Variants in ZNF585B observed in about 807,000 individuals in gnomAD.
ZNF585B encodes the protein zinc finger protein 41-like protein.
A neutral mutation model predicts 14.0 loss-of-function variants in ZNF585B; 7 were observed. That is an observed-to-expected ratio of 0.50 (90% CI 0.28 to 0.94). The LOEUF is 0.94. Ranked by LOEUF, ZNF585B falls within the 40% of genes least tolerant of loss-of-function variation. The pLI, the probability that ZNF585B is intolerant of heterozygous loss-of-function variation, is 0.09. For synonymous variants in ZNF585B, 290 were observed against 317.3 expected, an observed-to-expected ratio of 0.91 and a Z score of 0.91; for missense variants, 750 against 924.4, an observed-to-expected ratio of 0.81 and a Z score of 2.45.
chr19:37,204,864 A>G (rs2145445786), intron 2 of ZNF585B, among the ~76,000 whole-genome samples: 1 of 151,838 alleles, frequency 6.6e-6, no homozygotes, highest in Non-Finnish European at 1.5e-5. Flanking sequence ...CTCCTGCCTC[A>G]GCCTCCTGAG....
At chr19:37,208,692 A>G (rs1214242143) in intron 1 of ZNF585B, among the ~76,000 whole-genome samples, 1 of 152,072 alleles carries the variant, frequency 6.6e-6, no homozygotes, top group Non-Finnish European at 1.5e-5. Context: ...TAAAAGAAAA[A>G]CGCGTCAGAA....
In ZNF585B at chr19:37,184,392, G is replaced by GA. The variant is rs770161445; in HGVS notation, c.*834dup. The GA allele has an allele frequency of 1.8e-5, 1 of 56,800 alleles. No individual in the cohort carries two copies. The highest frequency in any genetic ancestry group is 3.5e-5 in the Non-Finnish European group (1 of 28,946). 3.5% of individuals were successfully genotyped at this position (56,800 alleles called of 1,614,324 possible). On this transcript the variant is annotated 3_prime_UTR_variant, in exon 5 of 5. Coordinates refer to ENST00000532828, the MANE Select transcript of ZNF585B (RefSeq NM_152279.4). ...AGAAAGAAAGAAAGAAAGAAAGAAA[G>GA]AAAGAAAGAAAGAAAGAAAGAAAGA...
Position 37,186,812 on chromosome 19 carries a change from T to C in ZNF585B, c.725A>G (p.His242Arg). The C allele has an allele frequency of 1.5e-5, 25 of 1,614,158 alleles. No individual in the cohort carries two copies. Among genetic ancestry groups the C allele is most frequent in the Non-Finnish European group, 2.0e-5 (24 of 1,180,002 alleles). ...CGCTTTGCCACAGTCAGTGCATTCA[T>C]GGTGTCTCTCTCCAGTATGAATTTT... ...HEKIHTGERH[H>R]ECTDCGKAFT... is the part of the protein sequence containing the mutation. The change falls in exon 5 of 5, where the codon CAT becomes CGT. Residue 242 changes from histidine to arginine, a missense_variant. Physicochemically the swap from His to Arg is conservative, Grantham distance 29. Transcript: ENST00000532828.
Position 37,185,866 on chromosome 19 carries a change from T to G in ZNF585B, c.1671A>C (p.Lys557Asn), listed in dbSNP as rs756837911. The G allele has an allele frequency of 2.5e-6, 4 of 1,613,468 alleles. No individual in the cohort carries two copies. The African/African-American group carries it at 5.3e-5, about 22-fold the overall frequency. The change falls in exon 5 of 5, where the codon AAA becomes AAC. Residue 557 changes from lysine to asparagine, a missense_variant. Physicochemically the swap from Lys to Asn is moderately conservative, Grantham distance 94. Around this residue, in one of 2 missense-constraint regions of ZNF585B, gnomAD observed 233 missense variants for 354.1 expected, o/e 0.66. Coordinates refer to ENST00000532828, the MANE Select transcript of ZNF585B (RefSeq NM_152279.4). The part of the protein sequence containing the change: ...ERQYECHECG[K>N]AFNQKSILIV... ...TGAGTATTGATTTCTGGTTGAAGGCTTTCCCACATTCGTGGCATTCATACT... is the reference window on the plus strand; with the variant it reads ...TGAGTATTGATTTCTGGTTGAAGGCGTTCCCACATTCGTGGCATTCATACT...
In ZNF585B at chr19:37,183,829, CAT is replaced by C. The variant is rs1371829912; in HGVS notation, c.*1396_*1397del. On this transcript the variant is annotated 3_prime_UTR_variant, in exon 5 of 5. Coordinates refer to ENST00000532828, the MANE Select transcript of ZNF585B (RefSeq NM_152279.4). Reference sequence around the variant, plus strand: ...ATTTCATATGATTTATGATTTATCTCATATCTCATATAATGTAAGATAATGAT... The same window carrying C: ...ATTTCATATGATTTATGATTTATCTCATCTCATATAATGTAAGATAATGAT... 1 of 151,708 alleles carries C rather than the reference CAT, an allele frequency of 6.6e-6. No individual in the cohort carries two copies. The highest frequency in any genetic ancestry group is 1.9e-4 in the East Asian group (1 of 5,172). 9.4% of individuals were successfully genotyped at this position (151,708 alleles called of 1,614,324 possible).
At position 37,207,098 on chromosome 19, in the gene ZNF585B, C is replaced by G. The variant is rs1972594926; in HGVS notation, c.14G>C (p.Trp5Ser). ...GGCTGAGGATTTCTGGGGTGAGGTC[C>G]AACTAGCTGGCATGGCCACACTGGA... MPAS[W>S]TSPQKSSALA... The change falls in exon 2 of 5, where the codon TGG becomes TCG. Residue 5 changes from tryptophan (W) to serine (S), a missense_variant. By Grantham distance (177) the Trp-to-Ser change is radical. Transcript: ENST00000532828. The G allele has an allele frequency of 6.2e-7, 1 of 1,614,138 alleles. No homozygotes were observed. Among genetic ancestry groups the G allele is most frequent in the Admixed American group, 1.7e-5 (1 of 60,018 alleles).
chr19:37,202,910 T>C (rs1389145303), intron 2 of ZNF585B, among the ~76,000 whole-genome samples: 1 of 152,228 alleles, frequency 6.6e-6, no homozygotes, highest in Non-Finnish European at 1.5e-5. Context: ...CCCAAAGTGC[T>C]GGGATTACAG....
intron 2 of ZNF585B, among the ~76,000 whole-genome samples, chr19:37,194,514 G>C (rs1005880122): frequency 1.3e-5 from 2 of 152,156 alleles, no homozygotes; most frequent in Admixed American, 6.5e-5. Flanking sequence ...TTGGGAGGCT[G>C]AGGGAGGAGA....
In ZNF585B at chr19:37,182,181, C is replaced by T. The variant is rs1972273923; in HGVS notation, c.*3046G>A. 6.6e-6 allele frequency: 1 copy of T among 152,094 alleles called. No homozygotes were observed. The highest frequency in any genetic ancestry group is 1.5e-5 in the Non-Finnish European group (1 of 68,014). The allele number at this position is 152,094 out of a possible 1,614,324, so 9.4% of individuals were successfully genotyped here. A position where few individuals can be genotyped will look rare whatever the true frequency, so the allele number is the denominator to read the frequency against. ...CTAGTCTTTTATATAAATGGGCATA[C>T]ATATACATATATATGTCAGCACTAA... On this transcript the variant is annotated 3_prime_UTR_variant, in exon 5 of 5. Transcript: ENST00000532828.
intron 2 of ZNF585B, among the ~76,000 whole-genome samples, chr19:37,206,211 G>A (rs1480952219): frequency 1.3e-5 from 2 of 152,034 alleles, no homozygotes; most frequent in African/African-American, 4.8e-5. Context: ...CAGCACTTTG[G>A]GAGGCTGAGG....
chr19:37,188,623 T>G (rs1972366194), intron 4 of ZNF585B, among the ~76,000 whole-genome samples: 1 of 152,062 alleles, frequency 6.6e-6, no homozygotes, highest in South Asian at 2.1e-4. Flanking sequence ...GAGCCAAGAT[T>G]GCGCCACTAT....
At chr19:37,209,542 G>A (rs1599770651) in intron 1 of ZNF585B, among the ~76,000 whole-genome samples, 1 of 152,064 alleles carries the variant, frequency 6.6e-6, no homozygotes, top group East Asian at 1.9e-4. Flanking sequence ...AATCTGTGAG[G>A]AGATACATAA....
intron 4 of ZNF585B, 194 bp downstream of exon 4, chr19:37,189,465 CTT>C (rs1972375728): frequency 1.2e-5 from 7 of 586,178 alleles, no homozygotes; most frequent in Non-Finnish European, 2.1e-5. Context: ...TGGCACATGA[CTT>C]ATAATCAACA....
intron 2 of ZNF585B, among the ~76,000 whole-genome samples, chr19:37,193,167 T>G (rs1972422152): frequency 6.7e-6 from 1 of 150,326 alleles, no homozygotes; most frequent in Non-Finnish European, 1.5e-5. Flanking sequence ...AAACACCACA[T>G]GAGTTTAAAG....
chr19:37,182,466 G>A lies in ZNF585B; in HGVS notation c.*2761C>T, dbSNP rs1972275893. 1 of 152,228 alleles carries A rather than the reference G, an allele frequency of 6.6e-6. No homozygotes were observed. Among genetic ancestry groups the A allele is most frequent in the Admixed American group, 6.5e-5 (1 of 15,280 alleles). 9.4% of individuals were successfully genotyped at this position (152,228 alleles called of 1,614,324 possible). A position where few individuals can be genotyped will look rare whatever the true frequency, so the allele number is the denominator to read the frequency against. On this transcript the variant is annotated 3_prime_UTR_variant, in exon 5 of 5. Transcript: ENST00000532828. ...TATCACAAAATATCCAAAACTGAAG[G>A]AAGAATAGTGAAGCTTCAGATACAG...
At chr19:37,199,368 T>C (rs572892884) in intron 2 of ZNF585B, 6 of 368,228 alleles carry the variant, frequency 1.6e-5, no homozygotes, top group African/African-American at 1.1e-4. Flanking sequence ...CTACAAAAAA[T>C]ACAAAATTTC....
At chr19:37,196,067 T>TAC (rs983670108) in intron 2 of ZNF585B, 4 of 152,150 alleles carry the variant, frequency 2.6e-5, no homozygotes, top group Non-Finnish European at 4.4e-5. Context: ...ATGTGATTTT[T>TAC]ACACAAACTC....
intron 3 of ZNF585B, 66 bp downstream of exon 3, chr19:37,189,958 C>T (rs1233153284): frequency 4.4e-6 from 7 of 1,597,404 alleles, no homozygotes; most frequent in Middle Eastern, 1.7e-4. Flanking sequence ...CAACAGCATT[C>T]GTCAACTGAG....
At chr19:37,209,190 C>T (rs1051171535) in intron 1 of ZNF585B, among the ~76,000 whole-genome samples, 5 of 152,212 alleles carry the variant, frequency 3.3e-5, no homozygotes, top group Non-Finnish European at 5.9e-5. Context: ...CTGCGACCTC[C>T]GCCTCCCAGG....
Sources: allele counts gnomAD v4.1 joint callset (sites outside exome capture counted in the v4.1 genomes callset), GRCh38; gene constraint gnomAD v4.1.1; regional missense constraint gnomAD v4.1.1; transcripts MANE v1.5; gene names NCBI Gene and HGNC (gene_info 2026-07-23, HGNC 2026-07-21).